The following SLC16A13 variants were observed in gnomAD, a reference collection of about 807,000 sequenced individuals.
The protein encoded by SLC16A13 is solute carrier family 16 member 13.
A neutral mutation model predicts 28.1 loss-of-function variants in SLC16A13; 28 were observed. The observed-to-expected ratio is 1.00, with a 90% CI of 0.74 to 1.37. The LOEUF is 1.37. Among genes scored for constraint, SLC16A13 ranks in the 40% most tolerant of loss-of-function variants. SLC16A13 has a pLI of 0.00. For synonymous variants in SLC16A13, 228 were observed against 241.6 expected (o/e 0.94, Z 0.52); for missense variants, 482 against 531.8 (o/e 0.91, Z 0.92).
rs1014013678 is a variant in SLC16A13, at chr17:7,039,848, C to T, written c.1167C>T (p.Leu389=). Residue 389 remains leucine, a synonymous_variant, in exon 4 of 4, where the codon CTC becomes CTT. Transcript: ENST00000308027. This position sits in a 1 kb window ranked among gnomAD's most constrained non-coding sequence, Gnocchi z 4.3. ...TTCTTTCAGGGAGTGGCATTCTCCT[C>T]ACCCTGCCCCACTTCTTCTGCTTCT... ...AFLLSGSGIL[L]TLPHFFCFST... is the part of the protein sequence containing the mutation. The T allele has an allele frequency of 8.1e-6, 13 of 1,614,080 alleles. No individual in the cohort carries two copies. In the African/African-American group the frequency reaches 9.3e-5, roughly 12 times the overall value.
Position 7,038,867 on chromosome 17 carries a change from G to A in SLC16A13, c.1059G>A (p.Gly353=). Residue 353 remains glycine (G), a synonymous_variant, in exon 3 of 4, where the codon GGG becomes GGA. Transcript: ENST00000308027. This position sits in a 1 kb window ranked among gnomAD's most constrained non-coding sequence, Gnocchi z 5.7. ...GLLQMIESIG[G]LLGPPLSGYL... The stretch of plus-strand genomic sequence containing the variant: ...TGCAGATGATAGAGAGCATCGGGGG[G>A]CTGCTGGGGCCTCCTCTCTCAGGTA... 6.2e-7 allele frequency: 1 copy of A among 1,609,620 alleles called. No individual in the cohort carries two copies. The highest frequency in any genetic ancestry group is 8.5e-7 in the Non-Finnish European group (1 of 1,177,628).
chr17:7,038,291 G>A lies in SLC16A13; in HGVS notation c.483G>A (p.Trp161Ter), dbSNP rs1567732455. 1 of 1,614,062 alleles carries A rather than the reference G, an allele frequency of 6.2e-7. No individual in the cohort carries two copies. The highest frequency in any genetic ancestry group is 8.5e-7 in the Non-Finnish European group (1 of 1,179,998). The change falls in exon 3 of 4, where the codon TGG becomes TGA. Residue 161 changes from tryptophan to a stop codon, truncating the protein, a stop_gained. Transcript: ENST00000308027. LOFTEE classifies it high-confidence loss of function. The surrounding 1 kb of genome is among the most constrained non-coding windows in gnomAD (Gnocchi z 5.7). ...SSFTFAPFFQ[W>*]LLSHYAWRGS... ...TCACATTTGCCCCCTTTTTCCAGTGGCTGCTCAGCCACTACGCCTGGAGGG... is the reference window on the plus strand; with the variant it reads ...TCACATTTGCCCCCTTTTTCCAGTGACTGCTCAGCCACTACGCCTGGAGGG...
Position 7,040,031 on chromosome 17 carries a change from C to T in SLC16A13, c.*69C>T. On this transcript the variant is annotated 3_prime_UTR_variant, in exon 4 of 4. Coordinates refer to ENST00000308027, the MANE Select transcript of SLC16A13 (RefSeq NM_201566.3). ...AGGTCTTCTCTTGCCACGTCTTGGT[C>T]TCCACAGAACCACAGTGCCTTAAGA... 7.1e-7 allele frequency: 1 copy of T among 1,410,612 alleles called. No homozygotes were observed. Among genetic ancestry groups the T allele is most frequent in the Non-Finnish European group, 9.9e-7 (1 of 1,014,714 alleles). The allele number at this position is 1,410,612 out of a possible 1,614,324, so 87.4% of individuals were successfully genotyped here. A position where few individuals can be genotyped will look rare whatever the true frequency, so the allele number is the denominator to read the frequency against.
chr17:7,038,201 T>C lies in SLC16A13; in HGVS notation c.393T>C (p.Cys131=). Residue 131 remains cysteine, a synonymous_variant, in exon 3 of 4, where the codon TGT becomes TGC. Coordinates refer to ENST00000308027, the MANE Select transcript of SLC16A13 (RefSeq NM_201566.3). The surrounding 1 kb of genome is among the most constrained non-coding windows in gnomAD (Gnocchi z 5.7). ...TFAPTLACLS[C]YFSRRRSLAT... The stretch of plus-strand genomic sequence containing the variant: ...CTCCGACCCTGGCCTGCCTGTCCTG[T>C]TATTTCTCTCGCCGACGATCCCTGG... 6.2e-7 allele frequency: 1 copy of C among 1,614,110 alleles called. No individual in the cohort carries two copies. Among genetic ancestry groups the C allele is most frequent in the Non-Finnish European group, 8.5e-7 (1 of 1,180,016 alleles).
rs1910635960 is a variant in SLC16A13, at chr17:7,038,314, G to A, written c.506G>A (p.Arg169Lys). ...TGGCTGCTCAGCCACTACGCCTGGA[G>A]GGGGTCCCTGCTGCTGGTGTCTGCC... ...FQWLLSHYAW[R>K]GSLLLVSALS... Residue 169 changes from arginine to lysine, a missense_variant, in exon 3 of 4, where the codon AGG becomes AAG. Transcript: ENST00000308027. The surrounding 1 kb of genome is among the most constrained non-coding windows in gnomAD (Gnocchi z 5.7). 1.9e-6 allele frequency: 3 copies of A among 1,613,926 alleles called. No individual in the cohort carries two copies. The highest frequency in any genetic ancestry group is 2.2e-5 in the East Asian group (1 of 44,892).
At chr17:7,036,643 C>G (rs753951935) in intron 1 of SLC16A13, 62 bp downstream of exon 1, 6 of 1,609,306 alleles carry the variant, frequency 3.7e-6, no homozygotes, top group Non-Finnish European at 5.1e-6. Context: ...AATGCGGCGA[C>G]TGGGAAGTGG....
At chr17:7,037,077 C>T in intron 2 of SLC16A13, 2 of 555,742 alleles carry the variant, frequency 3.6e-6, no homozygotes, top group Non-Finnish European at 6.1e-6. Flanking sequence ...CCTGGCCGGG[C>T]ACGGTGGCTC....
rs1318179377 is a variant in SLC16A13 at position 7,038,590 on chromosome 17, C to G, written c.782C>G (p.Ser261Cys). The G allele has an allele frequency of 1.2e-6, 2 of 1,614,100 alleles. No homozygotes were observed. The highest frequency in any genetic ancestry group is 3.3e-5 in the Admixed American group (2 of 60,008). ...AAFLLSVVAI[S>C]DLVGRVVSGW... ...TTCCTACTCTCAGTTGTTGCTATTT[C>G]TGACCTCGTGGGGCGTGTGGTCTCC... is the stretch of plus-strand genomic sequence containing the variant. The change falls in exon 3 of 4, where the codon TCT (serine) becomes TGT (cysteine). Residue 261 changes from serine (S) to cysteine (C), a missense_variant. By Grantham distance (112) the Ser-to-Cys change is moderately radical. Coordinates refer to ENST00000308027, the MANE Select transcript of SLC16A13 (RefSeq NM_201566.3). This position sits in a 1 kb window ranked among gnomAD's most constrained non-coding sequence, Gnocchi z 5.7.
At position 7,036,912 on chromosome 17, in the gene SLC16A13, C is replaced by A. The variant is rs772542514; in HGVS notation, c.343+42C>A. 7.5e-6 allele frequency: 12 copies of A among 1,598,842 alleles called. No homozygotes were observed. The Admixed American group carries it at 1.8e-4, about 25-fold the overall frequency. On this transcript the variant is annotated intron_variant, in intron 2 of 3. Coordinates refer to ENST00000308027, the MANE Select transcript of SLC16A13 (RefSeq NM_201566.3). Reference sequence around the variant, plus strand: ...GGGCAGGAGAGTCAAATGCTTAGATCGTTGGATGTTCACCTCCTTCCTGCT... The same window carrying A: ...GGGCAGGAGAGTCAAATGCTTAGATAGTTGGATGTTCACCTCCTTCCTGCT...
In SLC16A13 at chr17:7,038,332, T is replaced by C. The variant is rs770054930; in HGVS notation, c.524T>C (p.Val175Ala). ...GCCTGGAGGGGGTCCCTGCTGCTGG[T>C]GTCTGCCCTCTCCCTCCACCTAGTG... ...HYAWRGSLLL[V>A]SALSLHLVAC... The change falls in exon 3 of 4, where the codon GTG becomes GCG. Residue 175 changes from valine to alanine, a missense_variant. Transcript: ENST00000308027. The surrounding 1 kb of genome is among the most constrained non-coding windows in gnomAD (Gnocchi z 5.7). 1.2e-6 allele frequency: 2 copies of C among 1,614,082 alleles called. No individual in the cohort carries two copies. The highest frequency in any genetic ancestry group is 2.2e-5 in the East Asian group (1 of 44,864).
At position 7,038,620 on chromosome 17, in the gene SLC16A13, G is replaced by A. The variant is rs377141102; in HGVS notation, c.812G>A (p.Trp271Ter). The change falls in exon 3 of 4, where the codon TGG becomes TAG. Residue 271 changes from tryptophan (W) to a stop codon, truncating the protein, a stop_gained. Coordinates refer to ENST00000308027, the MANE Select transcript of SLC16A13 (RefSeq NM_201566.3). LOFTEE classifies it high-confidence loss of function. This position sits in a 1 kb window ranked among gnomAD's most constrained non-coding sequence, Gnocchi z 5.7. ...SDLVGRVVSGWLGDAVPGPVT... is the reference protein window; with the variant it reads ...SDLVGRVVSG ...CTCGTGGGGCGTGTGGTCTCCGGAT[G>A]GCTGGGAGATGCAGTCCCAGGGCCT... 1.9e-6 allele frequency: 3 copies of A among 1,614,124 alleles called. No homozygotes were observed. The highest frequency in any genetic ancestry group is 2.7e-5 in the African/African-American group (2 of 75,016).
chr17:7,036,638 G>A (rs1431167130), intron 1 of SLC16A13, 57 bp downstream of exon 1: 1 of 1,609,548 alleles, frequency 6.2e-7, no homozygotes, highest in East Asian at 2.2e-5. Context: ...GAGGGAATGC[G>A]GCGACTGGGA....
rs1184120434 is a variant in SLC16A13, at chr17:7,039,234, C to G, written c.1081+345C>G. Among the ~76,000 whole-genome samples, 1 of 152,150 alleles carries G rather than the reference C, an allele frequency of 6.6e-6. No homozygotes were observed. On this transcript the variant is annotated intron_variant, in intron 3 of 3. Coordinates refer to ENST00000308027, the MANE Select transcript of SLC16A13 (RefSeq NM_201566.3). This position sits in a 1 kb window ranked among gnomAD's most constrained non-coding sequence, Gnocchi z 4.3. ...GGCCCCAAACCAGGTATCTGAGGCA[C>G]CTGGTCAAAGTTCTGCTGGCTCAGG...
chr17:7,038,373 C>T lies in SLC16A13; in HGVS notation c.565C>T (p.Leu189Phe). ...SLHLVACGAL[L>F]RPPSLAEDPA... Reference sequence around the variant, plus strand: ...CCACCTAGTGGCCTGTGGTGCTCTCCTCCGCCCACCCTCCCTGGCTGAGGA... The same window carrying T: ...CCACCTAGTGGCCTGTGGTGCTCTCTTCCGCCCACCCTCCCTGGCTGAGGA... Residue 189 changes from leucine (L) to phenylalanine (F), a missense_variant, in exon 3 of 4, where the codon CTC becomes TTC. Transcript: ENST00000308027. This position sits in a 1 kb window ranked among gnomAD's most constrained non-coding sequence, Gnocchi z 5.7. The T allele has an allele frequency of 6.2e-7, 1 of 1,614,132 alleles. No individual in the cohort carries two copies. Among genetic ancestry groups the T allele is most frequent in the African/African-American group, 1.3e-5 (1 of 75,038 alleles).
Position 7,036,293 on chromosome 17 carries a change from C to A in SLC16A13, c.-90C>A. 3 of 1,383,628 alleles carry A rather than the reference C, an allele frequency of 2.2e-6. No individual in the cohort carries two copies. The highest frequency in any genetic ancestry group is 2.9e-6 in the Non-Finnish European group (3 of 1,018,236). The allele number at this position is 1,383,628 out of a possible 1,614,324, so 85.7% of individuals were successfully genotyped here. A position where few individuals can be genotyped will look rare whatever the true frequency, so the allele number is the denominator to read the frequency against. ...CCAACCCCTCTCGGCCCCGAGCCAC[C>A]CGGCAGCGGGGGTGGGTGTGCAGAG... On this transcript the variant is annotated 5_prime_UTR_variant, in exon 1 of 4. Transcript: ENST00000308027.
In SLC16A13 at chr17:7,038,771, G is replaced by C. The variant is rs915844031; in HGVS notation, c.963G>C (p.Leu321=). 6.2e-7 allele frequency: 1 copy of C among 1,614,028 alleles called. No homozygotes were observed. Among genetic ancestry groups the C allele is most frequent in the Admixed American group, 1.7e-5 (1 of 60,016 alleles). Reference sequence around the variant, plus strand: ...CCTACGGCTTCACATCAGGGGCTCTGGCCCCACTGGCCTTCTCCGTGCTGC... The same window carrying C: ...CCTACGGCTTCACATCAGGGGCTCTCGCCCCACTGGCCTTCTCCGTGCTGC... ...AVAYGFTSGA[L]APLAFSVLPE... Residue 321 remains leucine, a synonymous_variant, in exon 3 of 4, where the codon CTG becomes CTC. Transcript: ENST00000308027. The surrounding 1 kb of genome is among the most constrained non-coding windows in gnomAD (Gnocchi z 5.7).
In SLC16A13 at chr17:7,038,729, G is replaced by C. The variant is rs1910646605; in HGVS notation, c.921G>C (p.Leu307=). 1 of 1,614,146 alleles carries C rather than the reference G, an allele frequency of 6.2e-7. No individual in the cohort carries two copies. The highest frequency in any genetic ancestry group is 8.5e-7 in the Non-Finnish European group (1 of 1,180,026). The part of the protein sequence containing the change: ...LFPVAQAPTA[L]VALAVAYGFT... ...CTGTAGCTCAGGCTCCCACAGCCCTGGTGGCTCTGGCTGTGGCCTACGGCT... is the reference window on the plus strand; with the variant it reads ...CTGTAGCTCAGGCTCCCACAGCCCTCGTGGCTCTGGCTGTGGCCTACGGCT... The change falls in exon 3 of 4, where the codon CTG becomes CTC. Residue 307 remains leucine (L), a synonymous_variant. Transcript: ENST00000308027. The surrounding 1 kb of genome is among the most constrained non-coding windows in gnomAD (Gnocchi z 5.7).
At chr17:7,037,319 G>A (rs1480109151) in intron 2 of SLC16A13, among the ~76,000 whole-genome samples, 1 of 95,116 alleles carries the variant, frequency 1.1e-5, no homozygotes, top group Non-Finnish European at 2.0e-5. Flanking sequence ...TCCAGCCTGG[G>A]CGACAGAGCA....
chr17:7,038,316 G>A lies in SLC16A13; in HGVS notation c.508G>A (p.Gly170Arg). Residue 170 changes from glycine (G) to arginine (R), a missense_variant, in exon 3 of 4, where the codon GGG becomes AGG. By Grantham distance (125) the Gly-to-Arg change is moderately radical. Transcript: ENST00000308027. This position sits in a 1 kb window ranked among gnomAD's most constrained non-coding sequence, Gnocchi z 5.7. ...GCTGCTCAGCCACTACGCCTGGAGG[G>A]GGTCCCTGCTGCTGGTGTCTGCCCT... Reference protein sequence around the residue: ...QWLLSHYAWRGSLLLVSALSL... With the variant: ...QWLLSHYAWRRSLLLVSALSL... 1 of 1,614,034 alleles carries A rather than the reference G, an allele frequency of 6.2e-7. No individual in the cohort carries two copies. The highest frequency in any genetic ancestry group is 8.5e-7 in the Non-Finnish European group (1 of 1,180,014).
Sources: gnomAD v4.1 joint callset for allele counts (sites outside exome capture counted in the v4.1 genomes callset) on GRCh38, gnomAD v4.1.1 for gene constraint, Gnocchi (gnomAD v3.1) non-coding constraint, MANE v1.5 for transcripts, NCBI Gene and HGNC (gene_info 2026-07-23, HGNC 2026-07-21) for gene names.